Variants in SRBD1 observed in about 807,000 individuals in gnomAD.
The protein encoded by SRBD1 is S1 RNA-binding domain-containing protein 1.
A neutral mutation model predicts 115.3 loss-of-function variants in SRBD1; 88 were observed. That is an observed-to-expected ratio of 0.76 (90% CI 0.64 to 0.91). SRBD1 has a LOEUF of 0.91. SRBD1 is among the 40% of genes least tolerant of loss of function. The pLI, the probability that SRBD1 is intolerant of heterozygous loss-of-function variation, is 0.00. For missense variants in SRBD1, 1,385 were observed against 1,177.4 expected (o/e 1.18, Z -2.58); for synonymous variants, 509 against 407.7 (o/e 1.25, Z -2.99).
Position 45,547,585 on chromosome 2 carries a change from T to A in SRBD1, c.1703A>T (p.Tyr568Phe), listed in dbSNP as rs1182007540. Reference protein sequence around the residue: ...TSQILHTDVVYLHCGQGFREA... With the variant: ...TSQILHTDVVFLHCGQGFREA... ...TCGGAAGCCTTGTCCACAATGCAAG[T>A]AAACCACATCAGTATGAAGTATCTG... Residue 568 changes from tyrosine to phenylalanine, a missense_variant, in exon 13 of 21, where the codon TAC (tyrosine) becomes TTC (phenylalanine). Physicochemically the swap from Tyr to Phe is conservative, Grantham distance 22. Coordinates refer to ENST00000263736, the MANE Select transcript of SRBD1 (RefSeq NM_018079.5). The A allele has an allele frequency of 6.2e-7, 1 of 1,613,458 alleles. No homozygotes were observed. Among genetic ancestry groups the A allele is most frequent in the African/African-American group, 1.3e-5 (1 of 74,920 alleles).
chr2:45,465,756 T>G (rs1053117386), intron 16 of SRBD1, among the ~76,000 whole-genome samples: 1 of 152,226 alleles, frequency 6.6e-6, no homozygotes. Flanking sequence ...CATGTTACAG[T>G]GCATTACATT....
At chr2:45,526,061 C>T (rs1671431273) in intron 14 of SRBD1, among the ~76,000 whole-genome samples, 1 of 151,856 alleles carries the variant, frequency 6.6e-6, no homozygotes, top group South Asian at 2.1e-4. Flanking sequence ...CTGCAGTTCC[C>T]CAAACAATCA....
intron 14 of SRBD1, among the ~76,000 whole-genome samples, chr2:45,523,276 A>G (rs200800232): frequency 0.017 from 1,961 of 117,440 alleles, 44 homozygotes; most frequent in African/African-American, 0.062. Context: ...AAAACGCTGG[A>G]AAAAAAAAAA....
At chr2:45,414,697 T>TGTGTATATAGTATGTATATACACACACAC (rs1558563236) in intron 18 of SRBD1, among the ~76,000 whole-genome samples, 1,307 of 121,360 alleles carry the variant, frequency 0.011, 115 homozygotes, top group African/African-American at 0.039. Context: ...CACACACACA[T>TGTGTATATAGTATGTATATACACACACAC]AGTGTGTATA....
At chr2:45,542,089 C>T (rs974789461) in intron 14 of SRBD1, among the ~76,000 whole-genome samples, 5 of 152,188 alleles carry the variant, frequency 3.3e-5, no homozygotes, top group African/African-American at 1.2e-4. Context: ...GCTGTTTGTG[C>T]CAGGGGACAC....
intron 4 of SRBD1, among the ~76,000 whole-genome samples, chr2:45,588,267 C>T (rs1338664657): frequency 2.0e-5 from 3 of 152,178 alleles, no homozygotes; most frequent in Non-Finnish European, 4.4e-5. Context: ...AGAAAGCAGC[C>T]TCTCTCCAAC....
At chr2:45,590,117 C>T (rs1673671548) in intron 4 of SRBD1, among the ~76,000 whole-genome samples, 1 of 152,188 alleles carries the variant, frequency 6.6e-6, no homozygotes, top group South Asian at 2.1e-4. Context: ...TGTTTTAAAT[C>T]GCTAAAAGTT....
At chr2:45,391,458 TATC>T (rs370344940) in intron 20 of SRBD1, among the ~76,000 whole-genome samples, 1,919 of 152,272 alleles carry the variant, frequency 0.013, 23 homozygotes, top group Middle Eastern at 0.031. Flanking sequence ...TAACATAAAA[TATC>T]ATCACGTGGA....
At chr2:45,568,014 C>G (rs1334779571) in intron 9 of SRBD1, 2 of 152,078 alleles carry the variant, frequency 1.3e-5, no homozygotes, top group African/African-American at 4.8e-5. Flanking sequence ...GGGACAGAAA[C>G]TGAAATTGAA....
intron 9 of SRBD1, among the ~76,000 whole-genome samples, chr2:45,565,734 T>C (rs1457798153): frequency 1.3e-5 from 2 of 152,208 alleles, no homozygotes; most frequent in Non-Finnish European, 1.5e-5. Flanking sequence ...TAAGGGTATC[T>C]AGAATATATT....
intron 2 of SRBD1, among the ~76,000 whole-genome samples, chr2:45,603,661 C>G (rs1456777539): frequency 6.6e-6 from 1 of 152,126 alleles, no homozygotes; most frequent in Non-Finnish European, 1.5e-5. Flanking sequence ...CCCCAGGTAG[C>G]TGGGATTATA....
At chr2:45,575,457 T>C (rs527916081) in intron 7 of SRBD1, among the ~76,000 whole-genome samples, 1 of 152,370 alleles carries the variant, frequency 6.6e-6, no homozygotes, top group African/African-American at 2.4e-5. Flanking sequence ...GTCTTTATCA[T>C]TCTATTTGCA....
chr2:45,480,189 A>C (rs540047043), intron 15 of SRBD1, among the ~76,000 whole-genome samples: 4 of 151,974 alleles, frequency 2.6e-5, no homozygotes, highest in Admixed American at 2.6e-4. Context: ...TGCCTACTAA[A>C]ACAACATCCA....
At chr2:45,522,614 A>T (rs1293802991) in intron 14 of SRBD1, among the ~76,000 whole-genome samples, 1 of 151,948 alleles carries the variant, frequency 6.6e-6, no homozygotes, top group Non-Finnish European at 1.5e-5. Context: ...TCATACTAAA[A>T]TTTTCCTCCA....
rs974210343 is a variant in SRBD1, at chr2:45,414,078, G to A, written c.2334-785C>T. On this transcript the variant is annotated intron_variant, in intron 18 of 20. Coordinates refer to ENST00000263736, the MANE Select transcript of SRBD1 (RefSeq NM_018079.5). ...TTTAAAAGGATCTGGAATCAGACTA[G>A]CATCAGATTTCTCACTGGCAAACAT... Among the ~76,000 whole-genome samples, 3 of 152,174 alleles carry A rather than the reference G, an allele frequency of 2.0e-5. No homozygotes were observed. The South Asian group carries it at 6.2e-4, about 31-fold the overall frequency.
intron 9 of SRBD1, among the ~76,000 whole-genome samples, chr2:45,571,207 G>C (rs1476308932): frequency 6.6e-6 from 1 of 152,006 alleles, no homozygotes; most frequent in Non-Finnish European, 1.5e-5. Context: ...CCCCAACAAA[G>C]TGCCAATCTG....
chr2:45,580,347 G>GT (rs1673312611), intron 6 of SRBD1, among the ~76,000 whole-genome samples: 1 of 151,394 alleles, frequency 6.6e-6, no homozygotes, highest in African/African-American at 2.4e-5. Context: ...CGTTTTTTTT[G>GT]TTTTTTTCTT....
intron 1 of SRBD1, among the ~76,000 whole-genome samples, chr2:45,610,766 C>G (rs542925257): frequency 6.6e-6 from 1 of 152,186 alleles, no homozygotes; most frequent in South Asian, 2.1e-4. Flanking sequence ...GGTATAAAAA[C>G]AATCCAGGTA....
intron 14 of SRBD1, among the ~76,000 whole-genome samples, chr2:45,496,269 G>C (rs1441270111): frequency 3.3e-5 from 5 of 152,006 alleles, no homozygotes; most frequent in African/African-American, 1.2e-4. Flanking sequence ...AGATTTTTTA[G>C]AATAAAACAT....
Sources: gnomAD v4.1 joint callset for allele counts (sites outside exome capture counted in the v4.1 genomes callset) on GRCh38, gnomAD v4.1.1 for gene constraint, MANE v1.5 for transcripts, NCBI Gene and HGNC (gene_info 2026-07-23, HGNC 2026-07-21) for gene names.